Variants in ITGAX observed in about 807,000 individuals in gnomAD.
The protein encoded by ITGAX is integrin subunit alpha X.
Under a neutral mutation model 140.2 loss-of-function variants are expected in ITGAX, and 99 were observed. That is an observed-to-expected ratio of 0.71 (90% CI 0.60 to 0.83). The LOEUF (loss-of-function observed/expected upper bound fraction) is 0.83. Among genes scored for constraint, ITGAX ranks in the 40% least tolerant of loss-of-function variants. The pLI, the probability that ITGAX is intolerant of heterozygous loss-of-function variation, is 0.00. For missense variants in ITGAX, 1,444 were observed against 1,482.0 expected (o/e 0.97, Z 0.42); for synonymous variants, 631 against 600.4 (o/e 1.05, Z -0.75).
chr16:31,382,489 ATGTC>A lies in ITGAX; in HGVS notation c.*585_*588del. On this transcript the variant is annotated 3_prime_UTR_variant, in exon 30 of 30. Coordinates refer to ENST00000268296, the MANE Select transcript of ITGAX (RefSeq NM_000887.5). ...ACAGCTCCCCATTACCCTCAGGACAATGTCTGAACTCTCCAGCTTCGCGTGAGAA... is the reference window on the plus strand; with the variant it reads ...ACAGCTCCCCATTACCCTCAGGACAATGAACTCTCCAGCTTCGCGTGAGAA... 6.6e-7 allele frequency: 1 copy of A among 1,508,222 alleles called. No individual in the cohort carries two copies. The highest frequency in any genetic ancestry group is 1.4e-5 in the African/African-American group (1 of 72,536). 93.4% of individuals were successfully genotyped at this position (1,508,222 alleles called of 1,614,324 possible).
Position 31,362,986 on chromosome 16 carries a change from G to A in ITGAX, c.1411G>A (p.Gly471Ser), listed in dbSNP as rs149061469. 1.5e-5 allele frequency: 24 copies of A among 1,611,802 alleles called. No individual in the cohort carries two copies. In the African/African-American group the frequency reaches 2.1e-4, roughly 14 times the overall value. ...SLCSVDVDSD[G>S]STDLVLIGAP... is the part of the protein sequence containing the mutation. ...CTGCTCCGTGGACGTAGACAGCGAC[G>A]GCAGCACCGACCTGGTCCTCATCGG... Residue 471 changes from glycine (G) to serine (S), a missense_variant, in exon 13 of 30, where the codon GGC (glycine) becomes AGC (serine). By Grantham distance (56) the Gly-to-Ser change is moderately conservative. Coordinates refer to ENST00000268296, the MANE Select transcript of ITGAX (RefSeq NM_000887.5).
intron 14 of ITGAX, among the ~76,000 whole-genome samples, chr16:31,364,384 G>A (rs191877068): frequency 1.8e-4 from 25 of 136,972 alleles, no homozygotes; most frequent in East Asian, 6.6e-4. Context: ...CTATGATTGC[G>A]TCACTTCACT....
rs759586637 is a variant in ITGAX at position 31,379,650 on chromosome 16, G to A, written c.2868+4G>A. The A allele has an allele frequency of 1.1e-5, 17 of 1,565,562 alleles. No individual in the cohort carries two copies. Among genetic ancestry groups the A allele is most frequent in the Non-Finnish European group, 1.5e-5 (17 of 1,154,388 alleles). On this transcript the variant is annotated splice_donor_region_variant and intron_variant, in intron 24 of 29. Transcript: ENST00000268296. ...TGTGGCCATGCACAGATACCAGGCA[G>A]GTGGTGGAGACGCAGGAGACTGGGC... is the stretch of plus-strand genomic sequence containing the variant.
rs185058807 is a variant in ITGAX at position 31,371,474 on chromosome 16, G to T, written c.1982G>T (p.Arg661Leu). 3 of 1,614,044 alleles carry T rather than the reference G, an allele frequency of 1.9e-6. No individual in the cohort carries two copies. Among genetic ancestry groups the T allele is most frequent in the Admixed American group, 1.7e-5 (1 of 60,018 alleles). The change falls in exon 16 of 30, where the codon CGT (arginine) becomes CTT (leucine). Residue 661 changes from arginine (R) to leucine (L), a missense_variant. Coordinates refer to ENST00000268296, the MANE Select transcript of ITGAX (RefSeq NM_000887.5). ...QSNICLYIDK[R>L]SKNLLGSRDL... ...AACATCTGCCTTTACATTGACAAAC[G>T]TTCTAAGAACCTGCTTGGGAGCCGT... is the stretch of plus-strand genomic sequence containing the variant.
At chr16:31,360,493 C>T in intron 8 of ITGAX, 30 bp downstream of exon 8, 1 of 1,576,954 alleles carries the variant, frequency 6.3e-7, no homozygotes, top group Non-Finnish European at 8.6e-7. Context: ...CCCACTTCTC[C>T]CACGGCTTCC....
In ITGAX at chr16:31,382,706, C is replaced by A; in HGVS notation, c.*799C>A. ...TGCCTGCATGCTGGGTTCTGCACAG[C>A]TGGCCTCCCGCGTTGGGCAACATTG... On this transcript the variant is annotated 3_prime_UTR_variant, in exon 30 of 30. Coordinates refer to ENST00000268296, the MANE Select transcript of ITGAX (RefSeq NM_000887.5). 1 of 559,266 alleles carries A rather than the reference C, an allele frequency of 1.8e-6. No individual in the cohort carries two copies. The allele number at this position is 559,266 out of a possible 1,614,324, so 34.6% of individuals were successfully genotyped here.
Position 31,372,577 on chromosome 16 carries a change from C to G in ITGAX, c.2293-20C>G, listed in dbSNP as rs375708498. ...GGGGCCTGGGTCTCGGAGAAAACCC[C>G]CCGTTGCCTTCCCACGCAGCTACCC... On this transcript the variant is annotated intron_variant, in intron 18 of 29. Coordinates refer to ENST00000268296, the MANE Select transcript of ITGAX (RefSeq NM_000887.5). The G allele has an allele frequency of 2.4e-5, 39 of 1,614,122 alleles. No homozygotes were observed. In the African/African-American group the frequency reaches 4.9e-4, roughly 20 times the overall value.
intron 23 of ITGAX, among the ~76,000 whole-genome samples, 186 bp downstream of exon 23, chr16:31,377,451 G>T (rs888177974): frequency 6.6e-6 from 1 of 152,188 alleles, no homozygotes; most frequent in Non-Finnish European, 1.5e-5. Context: ...TGCCAGGCAG[G>T]GTGCTGTGGT....
At chr16:31,364,909 C>T (rs2080877112) in intron 14 of ITGAX, among the ~76,000 whole-genome samples, 1 of 150,956 alleles carries the variant, frequency 6.6e-6, no homozygotes. Context: ...ATCCCAGCTA[C>T]TTGGGAGGCT....
rs952005592 is a variant in ITGAX, at chr16:31,359,144, G to T, written c.431-556G>T. The stretch of plus-strand genomic sequence containing the variant: ...CTGACCTTCACTCTTTTGTTGATGG[G>T]GCTGAGCAGCTTCATCACAGCCTTT... On this transcript the variant is annotated intron_variant, in intron 5 of 29. Coordinates refer to ENST00000268296, the MANE Select transcript of ITGAX (RefSeq NM_000887.5). Among the ~76,000 whole-genome samples the T allele has an allele frequency of 2.0e-4, 31 of 151,814 alleles. 1 individual carries two copies. Among genetic ancestry groups the T allele is most frequent in the African/African-American group, 6.8e-4 (28 of 41,414 alleles).
chr16:31,360,417 T>C lies in ITGAX; in HGVS notation c.815T>C (p.Val272Ala), dbSNP rs781607563. 4 of 1,613,930 alleles carry C rather than the reference T, an allele frequency of 2.5e-6. No homozygotes were observed. Among genetic ancestry groups the C allele is most frequent in the Non-Finnish European group, 3.4e-6 (4 of 1,179,964 alleles). Residue 272 changes from valine to alanine, a missense_variant, in exon 8 of 30, where the codon GTC (valine) becomes GCC (alanine). Transcript: ENST00000268296. ...KEGDSLDYKDVIPMADAAGII... is the reference protein window; with the variant it reads ...KEGDSLDYKDAIPMADAAGII... ...GGCGACAGCCTGGATTATAAGGATG[T>C]CATCCCCATGGCTGATGCAGCAGGC...
At chr16:31,374,829 A>G (rs888853065) in intron 20 of ITGAX, among the ~76,000 whole-genome samples, 5 of 152,210 alleles carry the variant, frequency 3.3e-5, no homozygotes, top group Admixed American at 2.6e-4. Flanking sequence ...GCATCACCCA[A>G]TGTTCGTGTG....
At chr16:31,374,928 A>G (rs1231939537) in intron 20 of ITGAX, among the ~76,000 whole-genome samples, 1 of 152,226 alleles carries the variant, frequency 6.6e-6, no homozygotes, top group Non-Finnish European at 1.5e-5. Context: ...TCATGAATGG[A>G]TGAATACTAT....
Position 31,376,821 on chromosome 16 carries a change from T to G in ITGAX, c.2531T>G (p.Leu844Arg). ...TAGAAACAAGGGCAGCTGCGTTCCC[T>G]GCACCTGACATGTGACAGCGCCCCA... ...EGQKQGQLRS[L>R]HLTCDSAPVG... is the part of the protein sequence containing the mutation. Residue 844 changes from leucine (L) to arginine (R), a missense_variant, in exon 21 of 30, where the codon CTG (leucine) becomes CGG (arginine). By Grantham distance (102) the Leu-to-Arg change is moderately radical. Coordinates refer to ENST00000268296, the MANE Select transcript of ITGAX (RefSeq NM_000887.5). 1 of 1,614,210 alleles carries G rather than the reference T, an allele frequency of 6.2e-7. No individual in the cohort carries two copies. The highest frequency in any genetic ancestry group is 8.5e-7 in the Non-Finnish European group (1 of 1,180,022).
At chr16:31,371,278 C>A in intron 15 of ITGAX, 56 bp from the exon 16 acceptor site, 6 of 1,608,254 alleles carry the variant, frequency 3.7e-6, no homozygotes, top group South Asian at 2.2e-5. Flanking sequence ...GTGCCCACCC[C>A]ACGTGGTGCT....
rs2080957601 is a variant in ITGAX, at chr16:31,371,394, G to A, written c.1902G>A (p.Arg634=). 1 of 1,614,180 alleles carries A rather than the reference G, an allele frequency of 6.2e-7. No homozygotes were observed. The part of the protein sequence containing the change: ...SMQFIPAEIP[R]SAFECREQVV... ...AGTTCATACCTGCCGAGATCCCCAGGTCTGCGTTTGAGTGTCGGGAGCAGG... is the reference window on the plus strand; with the variant it reads ...AGTTCATACCTGCCGAGATCCCCAGATCTGCGTTTGAGTGTCGGGAGCAGG... The change falls in exon 16 of 30, where the codon AGG becomes AGA. Residue 634 remains arginine (R), a synonymous_variant. Transcript: ENST00000268296.
At chr16:31,365,665 G>A (rs1454147136) in intron 14 of ITGAX, among the ~76,000 whole-genome samples, 1 of 152,238 alleles carries the variant, frequency 6.6e-6, no homozygotes, top group Non-Finnish European at 1.5e-5. Context: ...GCTCCCGCCT[G>A]TAATCCCAGC....
Position 31,380,250 on chromosome 16 carries a change from A to T in ITGAX, c.3061-16A>T. 1 of 1,611,678 alleles carries T rather than the reference A, an allele frequency of 6.2e-7. No individual in the cohort carries two copies. The highest frequency in any genetic ancestry group is 8.5e-7 in the Non-Finnish European group (1 of 1,178,664). On this transcript the variant is annotated splice_polypyrimidine_tract_variant and intron_variant, in intron 26 of 29. Transcript: ENST00000268296. ...CACTCATCTTTCTCAGCCCCATGCT[A>T]TTTATCTGCCCCCAGGACTGCTCCA...
chr16:31,364,985 C>G (rs889544131), intron 14 of ITGAX, among the ~76,000 whole-genome samples: 1 of 152,170 alleles, frequency 6.6e-6, no homozygotes, highest in South Asian at 2.1e-4. Context: ...CGGCACTGCA[C>G]TCCAGCCTAG....
Sources: allele counts gnomAD v4.1 joint callset (sites outside exome capture counted in the v4.1 genomes callset), GRCh38; gene constraint gnomAD v4.1.1; transcripts MANE v1.5; gene names NCBI Gene and HGNC (gene_info 2026-07-23, HGNC 2026-07-21).